The following ESRRG variants were observed in gnomAD, a reference collection of about 807,000 sequenced individuals.
The protein encoded by ESRRG is estrogen-related receptor gamma.
ESRRG carries 13 observed loss-of-function variants against 44.0 expected under a neutral mutation model. That is an observed-to-expected ratio of 0.30 (90% confidence interval 0.19 to 0.47). ESRRG has a LOEUF of 0.47. Among genes scored for constraint, ESRRG ranks in the 20% least tolerant of loss-of-function variants. ESRRG has a pLI of 1.00. For missense variants in ESRRG, 395 were observed against 580.6 expected, an observed-to-expected ratio of 0.68 and a Z score of 3.29; for synonymous variants, 215 against 214.6, an observed-to-expected ratio of 1.00 and a Z score of -0.02.
At chr1:216,904,201 A>T (rs1018784723) in intron 2 of ESRRG, among the ~76,000 whole-genome samples, 1 of 113,808 alleles carries the variant, frequency 8.8e-6, no homozygotes, top group East Asian at 3.6e-4. Context: ...AGCTGCAATC[A>T]TCACCCCCCC....
chr1:216,852,007 A>G (rs1018491981), intron 2 of ESRRG, among the ~76,000 whole-genome samples: 4 of 152,252 alleles, frequency 2.6e-5, no homozygotes, highest in Admixed American at 6.5e-5. Context: ...ACAGTAAGAA[A>G]GAAAAGCAAT....
chr1:216,861,331 T>C (rs1036838108), intron 2 of ESRRG, among the ~76,000 whole-genome samples: 1 of 152,062 alleles, frequency 6.6e-6, no homozygotes, highest in African/African-American at 2.4e-5. Context: ...TTCACAATAA[T>C]TTATTGTATA....
At chr1:216,978,871 G>A (rs1454181379) in intron 1 of ESRRG, among the ~76,000 whole-genome samples, 1 of 152,036 alleles carries the variant, frequency 6.6e-6, no homozygotes, top group African/African-American at 2.4e-5. Context: ...TTTTTCCCCA[G>A]AGAGCTCAAA....
At chr1:216,913,952 T>G (rs1174961376) in intron 2 of ESRRG, among the ~76,000 whole-genome samples, 3 of 152,196 alleles carry the variant, frequency 2.0e-5, no homozygotes, top group Non-Finnish European at 4.4e-5. Context: ...TCAATGCGTT[T>G]TATTTCTATA....
chr1:216,523,906 T>C (rs1180890189), intron 5 of ESRRG, among the ~76,000 whole-genome samples: 3 of 152,006 alleles, frequency 2.0e-5, no homozygotes, highest in East Asian at 1.9e-4. Context: ...ACTGTAATTA[T>C]GCCATAATGA....
chr1:216,933,026 G>C (rs1315310004), intron 2 of ESRRG, among the ~76,000 whole-genome samples: 1 of 151,694 alleles, frequency 6.6e-6, no homozygotes, highest in Non-Finnish European at 1.5e-5. Flanking sequence ...TCTTCTACTT[G>C]GCCAAAGCTT....
intron 3 of ESRRG, among the ~76,000 whole-genome samples, chr1:216,574,114 GTT>G (rs1268525505): frequency 6.6e-6 from 1 of 152,112 alleles, no homozygotes. Context: ...AGTGTTCAAT[GTT>G]TGACAGGATT....
chr1:216,629,120 T>C (rs1035340962), intron 3 of ESRRG, among the ~76,000 whole-genome samples: 3 of 152,194 alleles, frequency 2.0e-5, no homozygotes, highest in Non-Finnish European at 4.4e-5. Context: ...CACAGCCAGT[T>C]ATATGGCAAA....
intron 1 of ESRRG, among the ~76,000 whole-genome samples, chr1:217,077,740 A>G (rs1266060863): frequency 6.6e-6 from 1 of 152,234 alleles, no homozygotes; most frequent in Non-Finnish European, 1.5e-5. Context: ...GAGCAAGAAC[A>G]GTACAAATTC....
chr1:217,094,850 C>T (rs2092399431), intron 1 of ESRRG, among the ~76,000 whole-genome samples: 1 of 152,222 alleles, frequency 6.6e-6, no homozygotes, highest in Non-Finnish European at 1.5e-5. Context: ...GGCAGCCAAT[C>T]ACATCTCACC....
intron 5 of ESRRG, among the ~76,000 whole-genome samples, chr1:216,538,222 C>A (rs2051584558): frequency 6.7e-6 from 1 of 150,238 alleles, no homozygotes; most frequent in Non-Finnish European, 1.5e-5. Flanking sequence ...AATTCTAGTG[C>A]TTGGCAAATA....
chr1:216,574,532 T>C (rs1473626438), intron 3 of ESRRG, among the ~76,000 whole-genome samples: 1 of 152,138 alleles, frequency 6.6e-6, no homozygotes, highest in Non-Finnish European at 1.5e-5. Flanking sequence ...AGGCATTTCA[T>C]AGGATAATAA....
In ESRRG at chr1:216,684,796, T is replaced by G. The variant is rs200222924; in HGVS notation, c.57-7305A>C. Among the ~76,000 whole-genome samples, 35 of 152,308 alleles carry G rather than the reference T, an allele frequency of 2.3e-4. No homozygotes were observed. The East Asian group carries it at 6.0e-3, about 26-fold the overall frequency. ...TATTATACAGATTGCACTCAAAAAC[T>G]GTAACAGTAGGGGGGAAATACCATT... On this transcript the variant is annotated intron_variant, in intron 1 of 6. Coordinates refer to ENST00000408911, the MANE Select transcript of ESRRG (RefSeq NM_001438.4).
intron 2 of ESRRG, among the ~76,000 whole-genome samples, chr1:216,899,953 T>C (rs1199957861): frequency 6.6e-6 from 1 of 152,192 alleles, no homozygotes. Flanking sequence ...GAGTTATGTC[T>C]TATGCATAAG....
intron 1 of ESRRG, chr1:216,714,571 C>T: frequency 4.1e-6 from 4 of 982,452 alleles, no homozygotes; most frequent in Non-Finnish European, 4.8e-6. Context: ...TGACCACATT[C>T]TCAGGATAGA....
chr1:216,695,186 A>G (rs1196841403), intron 1 of ESRRG, among the ~76,000 whole-genome samples: 2 of 151,986 alleles, frequency 1.3e-5, no homozygotes, highest in Non-Finnish European at 2.9e-5. Context: ...TTTCTTTGAC[A>G]AAGTACGATT....
intron 1 of ESRRG, among the ~76,000 whole-genome samples, chr1:217,016,874 C>A (rs181224992): frequency 6.6e-6 from 1 of 152,196 alleles, no homozygotes; most frequent in African/African-American, 2.4e-5. Context: ...TATCCAATGC[C>A]TATATATCTA....
chr1:216,908,354 A>G lies in ESRRG; in HGVS notation c.-14+31228T>C, dbSNP rs369378046. 4.6e-5 allele frequency among the ~76,000 whole-genome samples: 7 copies of G among 152,262 alleles called. No individual in the cohort carries two copies. In the East Asian group the frequency reaches 7.7e-4, roughly 17 times the overall value. On this transcript the variant is annotated intron_variant, in intron 2 of 7. Transcript: ENST00000359162. The stretch of plus-strand genomic sequence containing the variant: ...GGCAATTACAGAGCATGTCCACCTT[A>G]TGTGTACCCAAAGGAGAAATTGCCC...
intron 1 of ESRRG, among the ~76,000 whole-genome samples, chr1:216,683,906 G>A (rs1157256010): frequency 6.6e-6 from 1 of 152,034 alleles, no homozygotes; most frequent in Non-Finnish European, 1.5e-5. Flanking sequence ...CTAAATCCGA[G>A]GTAAACCAGG....
Sources: gnomAD v4.1 joint callset for allele counts (sites outside exome capture counted in the v4.1 genomes callset) on GRCh38, gnomAD v4.1.1 for gene constraint, MANE v1.5 for transcripts, NCBI Gene and HGNC (gene_info 2026-07-23, HGNC 2026-07-21) for gene names.